The following CERKL variants were observed in gnomAD, a reference collection of about 807,000 sequenced individuals.
The protein encoded by CERKL is CERK like autophagy regulator.
Under a neutral mutation model 63.4 loss-of-function variants are expected in CERKL, and 61 were observed. The ratio of observed to expected loss-of-function variants is 0.96; its 90% CI spans 0.78 to 1.19. The LOEUF (loss-of-function observed/expected upper bound fraction) is 1.19. Among genes scored for constraint, CERKL ranks in the 50% most tolerant of loss-of-function variants. The pLI is 0.00. For synonymous variants in CERKL, 250 were observed against 230.5 expected (o/e 1.08, Z -0.77); for missense variants, 675 against 655.5 (o/e 1.03, Z -0.33).
intron 1 of CERKL, among the ~76,000 whole-genome samples, chr2:181,630,341 T>C (rs1007222057): frequency 6.6e-6 from 1 of 151,840 alleles, no homozygotes; most frequent in African/African-American, 2.4e-5. Context: ...CCACCACACC[T>C]GGCCAAAATC....
intron 2 of CERKL, among the ~76,000 whole-genome samples, chr2:181,591,630 T>C (rs1684994063): frequency 6.6e-6 from 1 of 152,206 alleles, no homozygotes; most frequent in South Asian, 2.1e-4. Flanking sequence ...ATCATACGAT[T>C]GGGCAAATGG....
chr2:181,594,755 G>A (rs1450942871), intron 2 of CERKL, among the ~76,000 whole-genome samples: 4 of 151,992 alleles, frequency 2.6e-5, no homozygotes, highest in Admixed American at 2.6e-4. Flanking sequence ...TGATCGACAA[G>A]GAGAAAAAAA....
rs200824437 is a variant in CERKL, at chr2:181,536,991, C to T, written c.*1193G>A. ...TCCTAATTGATGAAAGTTATCTGTT[C>T]ACAGGCCTGCAGTGATGGTGAGGAA... On this transcript the variant is annotated 3_prime_UTR_variant, in exon 13 of 13. Transcript: ENST00000410087. The T allele has an allele frequency of 4.7e-5, 21 of 451,262 alleles. No homozygotes were observed. The highest frequency in any genetic ancestry group is 8.9e-5 in the Non-Finnish European group (20 of 225,688). The allele number at this position is 451,262 out of a possible 1,614,324, so 28.0% of individuals were successfully genotyped here.
intron 1 of CERKL, among the ~76,000 whole-genome samples, chr2:181,628,169 A>C (rs1686794542): frequency 6.6e-6 from 1 of 152,196 alleles, no homozygotes; most frequent in African/African-American, 2.4e-5. Flanking sequence ...CTCTTATTTA[A>C]GCTTCAGACT....
intron 5 of CERKL, among the ~76,000 whole-genome samples, chr2:181,554,164 C>CAAA (rs36086391): frequency 2.2e-4 from 21 of 94,230 alleles, no homozygotes; most frequent in South Asian, 7.5e-4. Flanking sequence ...ACTATGGAGG[C>CAAA]AAAAAAAAAA....
At chr2:181,615,996 AAGAC>A (rs1686176816) in intron 1 of CERKL, among the ~76,000 whole-genome samples, 3 of 152,138 alleles carry the variant, frequency 2.0e-5, no homozygotes, top group Non-Finnish European at 2.9e-5. Flanking sequence ...TTCAGAGAGA[AAGAC>A]AGAAAATTAC....
intron 11 of CERKL, among the ~76,000 whole-genome samples, chr2:181,544,108 T>C (rs576564321): frequency 6.6e-6 from 1 of 152,156 alleles, no homozygotes; most frequent in Admixed American, 6.5e-5. Flanking sequence ...ATTTTCCTAA[T>C]AATCAGGTCA....
rs538742416 is a variant in CERKL, at chr2:181,554,995, T to C, written c.820+3571A>G. Among the ~76,000 whole-genome samples the C allele has an allele frequency of 3.2e-4, 48 of 152,298 alleles. No individual in the cohort carries two copies. In the South Asian group the frequency reaches 9.5e-3, roughly 30 times the overall value. On this transcript the variant is annotated intron_variant, in intron 5 of 12. Transcript: ENST00000410087. ...ACTGTGTCTTCTAAACAAGACAGGT[T>C]AAAATGGCATTACTACAAATATCCA...
intron 2 of CERKL, among the ~76,000 whole-genome samples, chr2:181,600,254 C>A (rs1685401485): frequency 6.6e-6 from 1 of 152,140 alleles, no homozygotes; most frequent in South Asian, 2.1e-4. Context: ...TATAAGCACA[C>A]AAAAGTACAA....
At chr2:181,649,258 C>T (rs577129321) in intron 1 of CERKL, among the ~76,000 whole-genome samples, 13 of 152,220 alleles carry the variant, frequency 8.5e-5, no homozygotes, top group African/African-American at 3.1e-4. Flanking sequence ...AGTAGCAATA[C>T]TCATATCAGA....
intron 1 of CERKL, among the ~76,000 whole-genome samples, chr2:181,621,275 T>C (rs995928964): frequency 2.6e-5 from 4 of 152,206 alleles, no homozygotes; most frequent in Admixed American, 6.5e-5. Context: ...AATTAAGTCT[T>C]AATAAAATTG....
chr2:181,578,306 G>C (rs139125234), intron 2 of CERKL, among the ~76,000 whole-genome samples: 2 of 152,124 alleles, frequency 1.3e-5, no homozygotes, highest in East Asian at 3.9e-4. Context: ...AGAGAGAAAA[G>C]AGATAGAGAG....
intron 1 of CERKL, among the ~76,000 whole-genome samples, chr2:181,605,018 G>T (rs1428070003): frequency 6.6e-6 from 1 of 152,122 alleles, no homozygotes; most frequent in Admixed American, 6.5e-5. Flanking sequence ...GGCCAATGTG[G>T]AATAATAAGA....
intron 1 of CERKL, among the ~76,000 whole-genome samples, chr2:181,631,832 A>ACAG (rs1686973853): frequency 1.3e-5 from 2 of 152,336 alleles, no homozygotes; most frequent in South Asian, 2.1e-4. Flanking sequence ...CTCTAAAGGT[A>ACAG]ACCAAGCTGG....
At chr2:181,545,724 GCTT>G (rs1350956207) in intron 10 of CERKL, among the ~76,000 whole-genome samples, 1 of 152,060 alleles carries the variant, frequency 6.6e-6, no homozygotes, top group Non-Finnish European at 1.5e-5. Flanking sequence ...TTTCCATCAT[GCTT>G]CTTCTTCCCA....
intron 1 of CERKL, among the ~76,000 whole-genome samples, chr2:181,624,808 C>T (rs1686613507): frequency 6.6e-6 from 1 of 152,168 alleles, no homozygotes; most frequent in Non-Finnish European, 1.5e-5. Context: ...GAAGTTCCCA[C>T]TTACTGAAAT....
chr2:181,556,297 G>T (rs1388209991), intron 5 of CERKL, among the ~76,000 whole-genome samples: 1 of 151,726 alleles, frequency 6.6e-6, no homozygotes, highest in Non-Finnish European at 1.5e-5. Context: ...CAATGTGCAG[G>T]TTTGTTACAT....
intron 2 of CERKL, among the ~76,000 whole-genome samples, chr2:181,589,624 G>A (rs373699482): frequency 2.0e-5 from 3 of 151,984 alleles, no homozygotes; most frequent in African/African-American, 7.2e-5. Context: ...CAACTATTTG[G>A]GAAAAAATAG....
Position 181,550,409 on chromosome 2 carries a change from G to A in CERKL, c.821-701C>T, listed in dbSNP as rs1687933634. 6.6e-6 allele frequency among the ~76,000 whole-genome samples: 1 copy of A among 152,128 alleles called. No homozygotes were observed. Among genetic ancestry groups the A allele is most frequent in the South Asian group, 2.1e-4 (1 of 4,820 alleles). ...CAGAGGCAAAGAGCGCCCTAAGTCA[G>A]GCCCCTTTAATGTTTATGTGTAACT... On this transcript the variant is annotated intron_variant, in intron 5 of 12. Transcript: ENST00000410087. This position sits in a 1 kb window ranked among gnomAD's most constrained non-coding sequence, Gnocchi z 4.5.
Sources: gnomAD v4.1 joint callset for allele counts (sites outside exome capture counted in the v4.1 genomes callset) on GRCh38, gnomAD v4.1.1 for gene constraint, Gnocchi (gnomAD v3.1) non-coding constraint, MANE v1.5 for transcripts, NCBI Gene and HGNC (gene_info 2026-07-23, HGNC 2026-07-21) for gene names.